HS3ST4: variants seen among roughly 807,000 people sequenced by gnomAD.
The protein encoded by HS3ST4 is heparan sulfate glucosamine 3-O-sulfotransferase 4.
In HS3ST4, 17 loss-of-function variants were observed where a neutral mutation model predicts 29.2. That is an observed-to-expected ratio of 0.58 (90% CI 0.40 to 0.87). The LOEUF is 0.87. Ranked by LOEUF, HS3ST4 falls within the 40% of genes least tolerant of loss-of-function variation. The pLI, the probability that HS3ST4 is intolerant of heterozygous loss-of-function variation, is 0.00. For synonymous variants in HS3ST4, 314 were observed against 285.7 expected, an observed-to-expected ratio of 1.10 and a Z score of -1.00; for missense variants, 627 against 634.5, an observed-to-expected ratio of 0.99 and a Z score of 0.13.
chr16:26,010,000 T>C (rs748187857), intron 1 of HS3ST4, among the ~76,000 whole-genome samples: 10 of 152,166 alleles, frequency 6.6e-5, no homozygotes, highest in Non-Finnish European at 1.2e-4. Flanking sequence ...AGGGACCAGA[T>C]TATCATTCAT....
intron 1 of HS3ST4, among the ~76,000 whole-genome samples, chr16:26,052,516 G>A (rs1025635652): frequency 4.6e-5 from 7 of 152,068 alleles, no homozygotes; most frequent in African/African-American, 9.7e-5. Context: ...GATTACAAGT[G>A]CCCACCACCA....
intron 1 of HS3ST4, among the ~76,000 whole-genome samples, chr16:25,824,125 G>T (rs1349930576): frequency 1.3e-5 from 2 of 152,146 alleles, no homozygotes; most frequent in Non-Finnish European, 2.9e-5. Context: ...GGCTGAGAGG[G>T]CCCTGGCTGA....
intron 1 of HS3ST4, among the ~76,000 whole-genome samples, chr16:25,902,145 T>C (rs1968125788): frequency 6.6e-6 from 1 of 152,162 alleles, no homozygotes; most frequent in African/African-American, 2.4e-5. Context: ...CAGCTCACTG[T>C]CCATGGCCTT....
At chr16:26,116,448 G>GCC in intron 1 of HS3ST4, among the ~76,000 whole-genome samples, 1 of 152,136 alleles carries the variant, frequency 6.6e-6, no homozygotes, top group African/African-American at 2.4e-5. Flanking sequence ...AGGAGGTGGG[G>GCC]AGTCATATTA....
At chr16:25,734,226 A>C (rs969029190) in intron 1 of HS3ST4, among the ~76,000 whole-genome samples, 1 of 152,164 alleles carries the variant, frequency 6.6e-6, no homozygotes, top group African/African-American at 2.4e-5. Flanking sequence ...CAGAACATCC[A>C]TTTTTCAAGA....
chr16:25,885,594 C>CGTTGT (rs1967941190), intron 1 of HS3ST4, among the ~76,000 whole-genome samples: 1 of 152,128 alleles, frequency 6.6e-6, no homozygotes, highest in Non-Finnish European at 1.5e-5. Context: ...ACAACCCTAC[C>CGTTGT]TGTCCCCCAA....
At chr16:25,973,452 G>A (rs1968915525) in intron 1 of HS3ST4, among the ~76,000 whole-genome samples, 1 of 152,204 alleles carries the variant, frequency 6.6e-6, no homozygotes, top group African/African-American at 2.4e-5. Context: ...AATCCAGTGT[G>A]AGAAACCCAA....
At chr16:25,828,307 T>TTTCTTTCTTTCC (rs1567249550) in intron 1 of HS3ST4, among the ~76,000 whole-genome samples, 3 of 84,700 alleles carry the variant, frequency 3.5e-5, no homozygotes, top group African/African-American at 1.8e-4. Context: ...TTTCCCTCTC[T>TTTCTTTCTTTCC]CTCTCTCTCT....
chr16:25,749,175 C>T (rs896725752), intron 1 of HS3ST4, among the ~76,000 whole-genome samples: 5 of 152,240 alleles, frequency 3.3e-5, no homozygotes, highest in African/African-American at 4.8e-5. Flanking sequence ...CACCTTTAGA[C>T]GTATTTTTTA....
intron 1 of HS3ST4, among the ~76,000 whole-genome samples, chr16:25,841,375 T>C (rs1967411810): frequency 6.6e-6 from 1 of 152,106 alleles, no homozygotes; most frequent in Non-Finnish European, 1.5e-5. Flanking sequence ...TCATGGCTCA[T>C]TGCAGCCTCA....
intron 1 of HS3ST4, among the ~76,000 whole-genome samples, chr16:25,713,579 C>G (rs938929458): frequency 1.3e-5 from 2 of 152,054 alleles, no homozygotes; most frequent in Non-Finnish European, 2.9e-5. Context: ...CTCCTTAGCT[C>G]AACACAAAAG....
Position 25,873,435 on chromosome 16 carries a change from C to T in HS3ST4, c.734+180284C>T, listed in dbSNP as rs555839875. 1.0e-3 allele frequency among the ~76,000 whole-genome samples: 156 copies of T among 149,322 alleles called. 2 individuals carry two copies. Among genetic ancestry groups the T allele is most frequent in the Non-Finnish European group, 1.6e-3 (108 of 67,598 alleles). On this transcript the variant is annotated intron_variant, in intron 1 of 1. Transcript: ENST00000331351. The stretch of plus-strand genomic sequence containing the variant: ...CCATCCACCCATCCATCCATTAATC[C>T]ATCCATCCATCCACCCATCCATTTA...
At position 25,891,468 on chromosome 16, in the gene HS3ST4, T is replaced by C. The variant is rs575924889; in HGVS notation, c.734+198317T>C. On this transcript the variant is annotated intron_variant, in intron 1 of 1. Transcript: ENST00000331351. ...ACCCTTGGAGAGATCTTTACTTACA[T>C]GTTTTGTGGTGTTGCTGGCTTTTCT... Among the ~76,000 whole-genome samples, 11 of 152,182 alleles carry C rather than the reference T, an allele frequency of 7.2e-5. No individual in the cohort carries two copies. The South Asian group carries it at 2.1e-3, about 29-fold the overall frequency.
In HS3ST4 at chr16:26,137,155, T is replaced by TGAA. The variant is rs1393463036; in HGVS notation, c.*910_*912dup. 2.6e-5 allele frequency: 4 copies of TGAA among 152,174 alleles called. No individual in the cohort carries two copies. In the East Asian group the frequency reaches 7.7e-4, roughly 29 times the overall value. The allele number at this position is 152,174 out of a possible 1,614,324, so 9.4% of individuals were successfully genotyped here. A position where few individuals can be genotyped will look rare whatever the true frequency, so the allele number is the denominator to read the frequency against. On this transcript the variant is annotated 3_prime_UTR_variant, in exon 2 of 2. Transcript: ENST00000331351. ...CCTCTTGGTGGGAGGTTACCTTACC[T>TGAA]GAAGACCATCTCTCCCAAGCACTGT... is the stretch of plus-strand genomic sequence containing the variant.
chr16:25,700,851 C>T (rs1381731000), intron 1 of HS3ST4, among the ~76,000 whole-genome samples: 3 of 151,990 alleles, frequency 2.0e-5, no homozygotes, highest in Non-Finnish European at 4.4e-5. Flanking sequence ...TGTTTGTACT[C>T]ACTACTTAGG....
At chr16:25,886,578 G>T (rs1241070250) in intron 1 of HS3ST4, among the ~76,000 whole-genome samples, 1 of 152,202 alleles carries the variant, frequency 6.6e-6, no homozygotes, top group Non-Finnish European at 1.5e-5. Flanking sequence ...TTTAGGGTGA[G>T]AAAGTTCTGC....
chr16:25,898,067 A>C (rs1002243933), intron 1 of HS3ST4, among the ~76,000 whole-genome samples: 1 of 152,202 alleles, frequency 6.6e-6, no homozygotes, highest in Non-Finnish European at 1.5e-5. Context: ...TCAAGCTCCA[A>C]CTGAGGGAAA....
intron 1 of HS3ST4, among the ~76,000 whole-genome samples, chr16:26,024,325 T>G (rs1969446022): frequency 6.6e-6 from 1 of 152,120 alleles, no homozygotes; most frequent in Non-Finnish European, 1.5e-5. Context: ...ATCATAATAG[T>G]TCATTAGTTA....
chr16:25,816,228 A>T (rs542327783), intron 1 of HS3ST4, among the ~76,000 whole-genome samples: 1 of 152,006 alleles, frequency 6.6e-6, no homozygotes, highest in South Asian at 2.1e-4. Flanking sequence ...ACCATTTCTG[A>T]CTCTAATTTT....
Sources: allele counts gnomAD v4.1 joint callset (sites outside exome capture counted in the v4.1 genomes callset), GRCh38; gene constraint gnomAD v4.1.1; transcripts MANE v1.5; gene names NCBI Gene and HGNC (gene_info 2026-07-23, HGNC 2026-07-21).